The following MLIP variants were observed in gnomAD, a reference collection of about 807,000 sequenced individuals.
MLIP encodes muscular LMNA interacting protein.
MLIP carries 79 observed loss-of-function variants against 84.8 expected under a neutral mutation model. The observed-to-expected ratio is 0.93, with a 90% CI of 0.78 to 1.12. The LOEUF is 1.12. Among genes scored for constraint, MLIP ranks in the 50% most tolerant of loss-of-function variants. The pLI, the probability that MLIP is intolerant of heterozygous loss-of-function variation, is 0.00. For synonymous variants in MLIP, 504 were observed against 463.0 expected, an observed-to-expected ratio of 1.09 and a Z score of -1.14; for missense variants, 1,257 against 1,160.6, an observed-to-expected ratio of 1.08 and a Z score of -1.21.
chr6:54,076,074 A>C (rs755734951), intron 1 of MLIP, among the ~76,000 whole-genome samples: 7 of 152,192 alleles, frequency 4.6e-5, no homozygotes, highest in Non-Finnish European at 8.8e-5. Context: ...CTTTTAACCT[A>C]TTAAAGCCTA....
intron 5 of MLIP, among the ~76,000 whole-genome samples, chr6:54,154,078 A>G (rs1323971003): frequency 2.0e-5 from 3 of 152,082 alleles, no homozygotes; most frequent in African/African-American, 4.8e-5. Context: ...AAATTATCAA[A>G]TTGTATTTAA....
At chr6:54,084,340 T>G (rs893057192) in intron 1 of MLIP, among the ~76,000 whole-genome samples, 2 of 152,172 alleles carry the variant, frequency 1.3e-5, no homozygotes, top group African/African-American at 4.8e-5. Flanking sequence ...CAATTTTGTT[T>G]ATGGTGCTGA....
intron 13 of MLIP, among the ~76,000 whole-genome samples, chr6:54,262,947 G>A (rs1025429705): frequency 1.3e-5 from 2 of 152,084 alleles, no homozygotes; most frequent in African/African-American, 4.8e-5. Context: ...AAAGAAACAG[G>A]TCTCATTTAT....
At chr6:54,236,362 A>G (rs1781360852) in intron 12 of MLIP, among the ~76,000 whole-genome samples, 1 of 152,200 alleles carries the variant, frequency 6.6e-6, no homozygotes, top group African/African-American at 2.4e-5. Flanking sequence ...GCACTTTGGG[A>G]GGCCAAGGCG....
At chr6:54,118,483 A>G (rs1770150642) in intron 1 of MLIP, among the ~76,000 whole-genome samples, 1 of 152,230 alleles carries the variant, frequency 6.6e-6, no homozygotes, top group African/African-American at 2.4e-5. Flanking sequence ...CATGCAGAAG[A>G]ATGAAACTGG....
intron 1 of MLIP, among the ~76,000 whole-genome samples, chr6:54,087,790 T>G (rs1582108928): frequency 6.6e-6 from 1 of 150,926 alleles, no homozygotes; most frequent in African/African-American, 2.4e-5. Context: ...AACAAAATAC[T>G]TTAAGATGCT....
intron 11 of MLIP, among the ~76,000 whole-genome samples, chr6:54,204,911 G>T (rs1387815325): frequency 6.6e-6 from 1 of 152,176 alleles, no homozygotes; most frequent in Non-Finnish European, 1.5e-5. Context: ...TGTGGAACAT[G>T]AGAAGTAATA....
chr6:54,184,115 G>A (rs1316922695), intron 9 of MLIP, among the ~76,000 whole-genome samples: 1 of 152,060 alleles, frequency 6.6e-6, no homozygotes, highest in African/African-American at 2.4e-5. Flanking sequence ...TTTCTGCTTA[G>A]CTGTACATCA....
intron 5 of MLIP, among the ~76,000 whole-genome samples, chr6:54,151,939 AG>A (rs1275970612): frequency 6.6e-6 from 1 of 152,164 alleles, no homozygotes; most frequent in African/African-American, 2.4e-5. Context: ...CATTTTTAAA[AG>A]AGTACACTTT....
intron 12 of MLIP, among the ~76,000 whole-genome samples, chr6:54,251,498 A>G (rs566815101): frequency 8.0e-6 from 1 of 124,374 alleles, no homozygotes; most frequent in South Asian, 2.2e-4. Flanking sequence ...GATAATAATT[A>G]TATAATCAGG....
chr6:54,107,990 G>A (rs1266363794), upstream of MLIP, among the ~76,000 whole-genome samples: 2 of 8,394 alleles, frequency 2.4e-4, no homozygotes, highest in South Asian at 0.014. Flanking sequence ...TGTTTCCCAT[G>A]TCAGGAAGAG....
intron 9 of MLIP, among the ~76,000 whole-genome samples, chr6:54,186,658 C>A (rs1480422971): frequency 1.3e-5 from 2 of 152,126 alleles, no homozygotes; most frequent in Non-Finnish European, 2.9e-5. Context: ...GAGCAAACAA[C>A]CCCTTATAAA....
chr6:54,137,296 G>T lies in MLIP; in HGVS notation c.1227G>T (p.Pro409=). Residue 409 remains proline, a synonymous_variant, in exon 4 of 14, where the codon CCG becomes CCT. Coordinates refer to ENST00000502396, the MANE Select transcript of MLIP (RefSeq NM_001281747.2). ...TTTCAAAGTCAGGGGTAAAATCCCC[G>T]GTGCCTTCCCGGCTTGCCCTTCTCA... ...GNLSKSGVKS[P]VPSRLALLTA... 6.5e-7 allele frequency: 1 copy of T among 1,535,854 alleles called. No homozygotes were observed. The highest frequency in any genetic ancestry group is 8.7e-7 in the Non-Finnish European group (1 of 1,146,864).
At chr6:54,100,238 A>G (rs1158541467) in intron 1 of MLIP, among the ~76,000 whole-genome samples, 5 of 152,256 alleles carry the variant, frequency 3.3e-5, no homozygotes, top group Non-Finnish European at 5.9e-5. Flanking sequence ...TGATGGAGCC[A>G]TTCTTTGTTG....
At chr6:54,221,688 GTTAAC>G (rs1441076504) in intron 11 of MLIP, among the ~76,000 whole-genome samples, 1 of 145,126 alleles carries the variant, frequency 6.9e-6, no homozygotes, top group Non-Finnish European at 1.5e-5. Context: ...AAAATATTTT[GTTAAC>G]TTGTTTGTTC....
chr6:54,257,408 A>G, intron 13 of MLIP, 47 bp downstream of exon 13: 1 of 1,372,196 alleles, frequency 7.3e-7, no homozygotes. Context: ...TTTCTGTGTG[A>G]TTATAGAAAT....
At chr6:54,145,488 T>G (rs1336315610) in intron 4 of MLIP, among the ~76,000 whole-genome samples, 1 of 151,966 alleles carries the variant, frequency 6.6e-6, no homozygotes, top group Non-Finnish European at 1.5e-5. Context: ...TAAATATTTC[T>G]TGGCCAGGCA....
chr6:54,175,732 C>T (rs1776217956), intron 9 of MLIP, among the ~76,000 whole-genome samples: 2 of 151,806 alleles, frequency 1.3e-5, no homozygotes, highest in African/African-American at 4.8e-5. Flanking sequence ...ATTTAGGTGC[C>T]CTTTATTTTT....
intron 9 of MLIP, among the ~76,000 whole-genome samples, chr6:54,170,637 T>C (rs1407997204): frequency 6.6e-6 from 1 of 151,518 alleles, no homozygotes. Context: ...TCTGGGAAAA[T>C]TACTCACCAT....
Sources: allele counts gnomAD v4.1 joint callset (sites outside exome capture counted in the v4.1 genomes callset), GRCh38; gene constraint gnomAD v4.1.1; transcripts MANE v1.5; gene names NCBI Gene and HGNC (gene_info 2026-07-23, HGNC 2026-07-21).